IL23R: variants seen among roughly 807,000 people sequenced by gnomAD.
IL23R encodes interleukin-23 receptor.
IL23R carries 34 observed loss-of-function variants against 56.9 expected under a neutral mutation model. The observed-to-expected ratio is 0.60, with a 90% CI of 0.45 to 0.80. The LOEUF (loss-of-function observed/expected upper bound fraction) is 0.80. Among genes scored for constraint, IL23R ranks in the 30% least tolerant of loss-of-function variants. IL23R has a pLI of 0.00. For missense variants in IL23R, 635 were observed against 730.0 expected (o/e 0.87, Z 1.50); for synonymous variants, 230 against 249.2 (o/e 0.92, Z 0.73).
intron 5 of IL23R, among the ~76,000 whole-genome samples, chr1:67,203,231 C>T (rs1648761800): frequency 6.6e-6 from 1 of 152,120 alleles, no homozygotes; most frequent in African/African-American, 2.4e-5. Flanking sequence ...TGGAAACAAC[C>T]ATACATGATA....
In IL23R at chr1:67,259,597, CTA is replaced by C; in HGVS notation, c.*471_*472del. On this transcript the variant is annotated 3_prime_UTR_variant, in exon 11 of 11. Coordinates refer to ENST00000347310, the MANE Select transcript of IL23R (RefSeq NM_144701.3). ...TCATTGAAAGATGCAAAACAGCTCT[CTA>C]TTGTGTACAGAAAGGGTAAATAATG... 5.3e-6 allele frequency: 1 copy of C among 187,888 alleles called. No homozygotes were observed. Among genetic ancestry groups the C allele is most frequent in the Non-Finnish European group, 1.1e-5 (1 of 90,212 alleles). The allele number at this position is 187,888 out of a possible 1,614,324, so 11.6% of individuals were successfully genotyped here. A position where few individuals can be genotyped will look rare whatever the true frequency, so the allele number is the denominator to read the frequency against.
chr1:67,246,008 G>T (rs929311265), intron 9 of IL23R, among the ~76,000 whole-genome samples: 5 of 152,108 alleles, frequency 3.3e-5, no homozygotes, highest in Non-Finnish European at 7.4e-5. Context: ...GGTCTATTCA[G>T]GGATTTCACT....
At chr1:67,252,025 T>G (rs546511685) in intron 9 of IL23R, among the ~76,000 whole-genome samples, 1 of 152,336 alleles carries the variant, frequency 6.6e-6, no homozygotes, top group African/African-American at 2.4e-5. Flanking sequence ...CAGTTTTTTT[T>G]TAATGCACTT....
intron 4 of IL23R, among the ~76,000 whole-genome samples, chr1:67,185,467 C>T (rs1647274339): frequency 6.6e-6 from 1 of 151,824 alleles, no homozygotes; most frequent in African/African-American, 2.4e-5. Flanking sequence ...TGTTTTTGAG[C>T]CACGGTCTCT....
At chr1:67,212,778 C>T (rs1649576524) in intron 6 of IL23R, among the ~76,000 whole-genome samples, 1 of 152,188 alleles carries the variant, frequency 6.6e-6, no homozygotes, top group African/African-American at 2.4e-5. Context: ...AGGTCTCTAA[C>T]TGCTGAGCTC....
intron 3 of IL23R, among the ~76,000 whole-genome samples, chr1:67,180,455 T>G (rs570005728): frequency 5.3e-5 from 8 of 152,256 alleles, no homozygotes; most frequent in African/African-American, 1.9e-4. Flanking sequence ...TGCCTTTTTT[T>G]GTTTTCCATT....
chr1:67,151,139 T>A (rs1330652132), intron 1 of IL23R, among the ~76,000 whole-genome samples: 1 of 152,230 alleles, frequency 6.6e-6, no homozygotes, highest in Admixed American at 6.5e-5. Flanking sequence ...TTTTTAATGA[T>A]CACCATTCTG....
intron 3 of IL23R, among the ~76,000 whole-genome samples, chr1:67,179,489 C>A (rs1647059044): frequency 6.6e-6 from 1 of 151,986 alleles, no homozygotes; most frequent in African/African-American, 2.4e-5. Context: ...TTTATTGCAT[C>A]TGTTTGATGC....
chr1:67,265,628 A>G, the IL23R span, among the ~76,000 whole-genome samples: 1 of 152,238 alleles, frequency 6.6e-6, no homozygotes, highest in Non-Finnish European at 1.5e-5. Flanking sequence ...CTATTCCTTT[A>G]ATAATTCCTC....
intron 4 of IL23R, among the ~76,000 whole-genome samples, chr1:67,197,627 T>C (rs901472185): frequency 3.1e-4 from 47 of 152,206 alleles, no homozygotes; most frequent in African/African-American, 1.1e-3. Context: ...CACTCCTGTG[T>C]TAGTCCATTC....
chr1:67,251,672 A>T (rs1652634645), intron 9 of IL23R, among the ~76,000 whole-genome samples: 2 of 152,270 alleles, frequency 1.3e-5, no homozygotes, highest in East Asian at 3.9e-4. Context: ...CAATTCATGG[A>T]AGGGAAGAGA....
At chr1:67,226,487 C>G (rs1314795839) in intron 7 of IL23R, among the ~76,000 whole-genome samples, 1 of 152,214 alleles carries the variant, frequency 6.6e-6, no homozygotes, top group East Asian at 1.9e-4. Flanking sequence ...GGGAACTTCT[C>G]TCAGCATTCA....
intron 3 of IL23R, among the ~76,000 whole-genome samples, chr1:67,170,958 T>C (rs1646935790): frequency 6.6e-6 from 1 of 152,196 alleles, no homozygotes; most frequent in Admixed American, 6.5e-5. Context: ...AGGAAAGTCA[T>C]AGGTTTTGGA....
At chr1:67,236,655 A>T (rs1432538590) in intron 7 of IL23R, 58 bp from the exon 8 acceptor site, 3 of 1,098,372 alleles carry the variant, frequency 2.7e-6, no homozygotes, top group Non-Finnish European at 4.2e-6. Context: ...TCCGTTGGGA[A>T]ATTTGGCAAG....
intron 4 of IL23R, among the ~76,000 whole-genome samples, chr1:67,200,454 G>T (rs890676054): frequency 2.7e-5 from 4 of 149,726 alleles, no homozygotes; most frequent in Admixed American, 2.0e-4. Context: ...AGTGAATGGC[G>T]TGACCTTGGC....
rs1646916754 is a variant in IL23R, at chr1:67,169,594, A to G, written c.323A>G (p.His108Arg). The G allele has an allele frequency of 6.2e-7, 1 of 1,614,164 alleles. No homozygotes were observed. The highest frequency in any genetic ancestry group is 1.1e-5 in the South Asian group (1 of 91,082). ...SMYCTAECPK[H>R]FQETLICGKD... Reference sequence around the variant, plus strand: ...TACTGCACTGCTGAATGTCCCAAACATTTTCAAGAGACACTGATATGTGGA... The same window carrying G: ...TACTGCACTGCTGAATGTCCCAAACGTTTTCAAGAGACACTGATATGTGGA... Residue 108 changes from histidine to arginine, a missense_variant, in exon 3 of 11, where the codon CAT (histidine) becomes CGT (arginine). Transcript: ENST00000347310.
At chr1:67,147,722 T>A (rs914749102) in intron 1 of IL23R, among the ~76,000 whole-genome samples, 2 of 152,048 alleles carry the variant, frequency 1.3e-5, no homozygotes, top group African/African-American at 4.8e-5. Flanking sequence ...AAAAAGATTG[T>A]AGGGGCTAAC....
intron 5 of IL23R, among the ~76,000 whole-genome samples, chr1:67,206,473 G>A (rs893827075): frequency 1.3e-5 from 2 of 152,074 alleles, no homozygotes; most frequent in Non-Finnish European, 2.9e-5. Flanking sequence ...ACCACACCTG[G>A]CTCAATTTAA....
chr1:67,157,659 A>G (rs912118134), intron 1 of IL23R, among the ~76,000 whole-genome samples: 3 of 152,164 alleles, frequency 2.0e-5, no homozygotes, highest in African/African-American at 7.2e-5. Flanking sequence ...AATTAACTCC[A>G]TGGCCTGCTT....
Sources: gnomAD v4.1 joint callset for allele counts (sites outside exome capture counted in the v4.1 genomes callset) on GRCh38, gnomAD v4.1.1 for gene constraint, MANE v1.5 for transcripts, NCBI Gene and HGNC (gene_info 2026-07-23, HGNC 2026-07-21) for gene names.